The following ENOX1 variants were observed in gnomAD, a reference collection of about 807,000 sequenced individuals.
The protein encoded by ENOX1 is candidate growth-related and time keeping constitutive hydroquinone (NADH) oxidase.
In ENOX1, 42 loss-of-function variants were observed where a neutral mutation model predicts 82.5. That is an observed-to-expected ratio of 0.51 (90% CI 0.40 to 0.66). The LOEUF (loss-of-function observed/expected upper bound fraction) is 0.66. Among genes scored for constraint, ENOX1 ranks in the 30% least tolerant of loss-of-function variants. The pLI is 0.00. For synonymous variants in ENOX1, 271 were observed against 282.2 expected (o/e 0.96, Z 0.40); for missense variants, 608 against 811.6 (o/e 0.75, Z 3.05).
At chr13:43,754,201 A>G (rs1049028854) in intron 1 of ENOX1, among the ~76,000 whole-genome samples, 22 of 145,236 alleles carry the variant, frequency 1.5e-4, no homozygotes, top group Admixed American at 4.9e-4. Context: ...ATACATATGT[A>G]TATGTATATA....
In ENOX1 at chr13:43,466,294, C is replaced by T. The variant is rs188129808; in HGVS notation, c.-75+17715G>A. ...TCCACTAAGGATTTAAAAACAAACACTCATCAATTAGAAATGAAAGAGAAC... is the reference window on the plus strand; with the variant it reads ...TCCACTAAGGATTTAAAAACAAACATTCATCAATTAGAAATGAAAGAGAAC... On this transcript the variant is annotated intron_variant, in intron 3 of 16. Transcript: ENST00000690772. 5.8e-4 allele frequency among the ~76,000 whole-genome samples: 88 copies of T among 152,202 alleles called. 1 individual carries two copies. The highest frequency in any genetic ancestry group is 9.7e-4 in the Non-Finnish European group (66 of 68,008).
chr13:43,784,203 T>TA (rs1448010654), intron 1 of ENOX1, among the ~76,000 whole-genome samples: 6 of 152,234 alleles, frequency 3.9e-5, no homozygotes, highest in South Asian at 2.1e-4. Context: ...TGTGTGCTGA[T>TA]AGACATACAA....
chr13:43,609,008 C>T (rs1189986428), intron 2 of ENOX1, among the ~76,000 whole-genome samples: 1 of 152,182 alleles, frequency 6.6e-6, no homozygotes, highest in Non-Finnish European at 1.5e-5. Context: ...ATTCAGAACT[C>T]TCCGTTCTCA....
chr13:43,530,104 G>T (rs970104359), intron 2 of ENOX1, among the ~76,000 whole-genome samples: 5 of 152,078 alleles, frequency 3.3e-5, no homozygotes, highest in Admixed American at 2.0e-4. Flanking sequence ...TTACCTTGGA[G>T]AGAAGGGGAA....
intron 2 of ENOX1, among the ~76,000 whole-genome samples, chr13:43,525,327 C>T (rs2077941667): frequency 6.6e-6 from 1 of 152,144 alleles, no homozygotes; most frequent in Non-Finnish European, 1.5e-5. Flanking sequence ...AATGTGACTA[C>T]TCTAGGTACT....
At chr13:43,348,355 A>G (rs141557669) in intron 8 of ENOX1, among the ~76,000 whole-genome samples, 36 of 152,258 alleles carry the variant, frequency 2.4e-4, no homozygotes, top group African/African-American at 7.9e-4. Context: ...TTCCAAAGAC[A>G]TATTTCTAGA....
intron 1 of ENOX1, among the ~76,000 whole-genome samples, chr13:43,776,249 G>A (rs548878375): frequency 6.6e-6 from 1 of 152,254 alleles, no homozygotes; most frequent in East Asian, 1.9e-4. Context: ...GTTAGCAAAT[G>A]AGGGTTTGAA....
At chr13:43,761,287 G>A (rs1282340272) in intron 1 of ENOX1, among the ~76,000 whole-genome samples, 1 of 152,182 alleles carries the variant, frequency 6.6e-6, no homozygotes, top group Admixed American at 6.5e-5. Context: ...TCAATCTGAA[G>A]GAAACCACCT....
At chr13:43,725,059 C>G (rs1441748385) in intron 1 of ENOX1, among the ~76,000 whole-genome samples, 2 of 152,166 alleles carry the variant, frequency 1.3e-5, no homozygotes, top group Non-Finnish European at 2.9e-5. Flanking sequence ...GTAAAGTTCT[C>G]TGGCATACCT....
chr13:43,494,982 T>C (rs1478050783), intron 2 of ENOX1, among the ~76,000 whole-genome samples: 1 of 152,128 alleles, frequency 6.6e-6, no homozygotes, highest in South Asian at 2.1e-4. Context: ...GTAAGAACAC[T>C]GACAGAATGT....
intron 5 of ENOX1, among the ~76,000 whole-genome samples, chr13:43,400,667 G>A (rs537286040): frequency 4.2e-4 from 64 of 152,254 alleles, no homozygotes; most frequent in South Asian, 8.3e-4. Flanking sequence ...ACCCAGGTTC[G>A]AAAATGGAAA....
At chr13:43,687,785 T>C (rs2086152432) in intron 1 of ENOX1, among the ~76,000 whole-genome samples, 1 of 152,058 alleles carries the variant, frequency 6.6e-6, no homozygotes, top group Non-Finnish European at 1.5e-5. Flanking sequence ...GCCAATCAAA[T>C]GTAGTAACTA....
chr13:43,282,835 G>A (rs1414705871), intron 12 of ENOX1, among the ~76,000 whole-genome samples: 1 of 150,298 alleles, frequency 6.7e-6, no homozygotes, highest in African/African-American at 2.4e-5. Context: ...GCTTATGCCT[G>A]TAATCCCAGC....
At chr13:43,630,933 T>TTGTGTG (rs139713177) in intron 2 of ENOX1, among the ~76,000 whole-genome samples, 1 of 149,248 alleles carries the variant, frequency 6.7e-6, no homozygotes, top group Non-Finnish European at 1.5e-5. Flanking sequence ...GTGTGTGTGT[T>TTGTGTG]TGTGTGTGTG....
At chr13:43,279,704 A>C (rs1343481423) in intron 12 of ENOX1, among the ~76,000 whole-genome samples, 1 of 152,222 alleles carries the variant, frequency 6.6e-6, no homozygotes, top group Non-Finnish European at 1.5e-5. Flanking sequence ...CGCTGAGTTA[A>C]ATGAAAGTGC....
intron 2 of ENOX1, chr13:43,543,823 T>A (rs1234197715): frequency 6.7e-6 from 1 of 149,366 alleles, no homozygotes; most frequent in African/African-American, 2.5e-5. Flanking sequence ...TTCTCTTTTA[T>A]CTCTTTTGTA....
In ENOX1 at chr13:43,470,364, A is replaced by ATG. The variant is rs1566307597; in HGVS notation, c.-75+13644_-75+13645insCA. On this transcript the variant is annotated intron_variant, in intron 3 of 16. Transcript: ENST00000690772. ...TACGTATATATATATGTATATATAT[A>ATG]CGTATATATATACATATATATACGT... Among the ~76,000 whole-genome samples, 8 of 26,466 alleles carry ATG rather than the reference A, an allele frequency of 3.0e-4. 1 individual carries two copies. Among genetic ancestry groups the ATG allele is most frequent in the South Asian group, 1.2e-3 (1 of 808 alleles). The allele number at this position is 26,466 out of a possible 152,430, so 17.4% of individuals were successfully genotyped here.
intron 14 of ENOX1, among the ~76,000 whole-genome samples, chr13:43,263,329 C>A (rs1488266553): frequency 3.3e-5 from 5 of 152,152 alleles, no homozygotes; most frequent in South Asian, 4.1e-4. Flanking sequence ...ATCTCCCCCA[C>A]CCCCTAGGTC....
chr13:43,773,959 A>G (rs1353529427), intron 1 of ENOX1, among the ~76,000 whole-genome samples: 1 of 152,192 alleles, frequency 6.6e-6, no homozygotes, highest in Non-Finnish European at 1.5e-5. Context: ...TAATCGCAAT[A>G]TGATATGAAA....
Sources: allele counts gnomAD v4.1 joint callset (sites outside exome capture counted in the v4.1 genomes callset), GRCh38; gene constraint gnomAD v4.1.1; transcripts MANE v1.5; gene names NCBI Gene and HGNC (gene_info 2026-07-23, HGNC 2026-07-21).